The following PPP4R4 variants were observed in gnomAD, a reference collection of about 807,000 sequenced individuals.
PPP4R4 encodes the protein serine/threonine-protein phosphatase 4 regulatory subunit 4.
Under a neutral mutation model 121.8 loss-of-function variants are expected in PPP4R4, and 70 were observed. The observed-to-expected ratio is 0.57, with a 90% CI of 0.47 to 0.70. The LOEUF (loss-of-function observed/expected upper bound fraction) is 0.70. PPP4R4 is among the 30% of genes least tolerant of loss of function. PPP4R4 has a pLI of 0.00. For missense variants in PPP4R4, 875 were observed against 1,033.6 expected, an observed-to-expected ratio of 0.85 and a Z score of 2.10; for synonymous variants, 348 against 355.7, an observed-to-expected ratio of 0.98 and a Z score of 0.24.
At chr14:94,269,577 A>G in intron 23 of PPP4R4, among the ~76,000 whole-genome samples, 1 of 151,622 alleles carries the variant, frequency 6.6e-6, no homozygotes. Context: ...GCTACTCAGG[A>G]GGCTGAGGCA....
Position 94,241,894 on chromosome 14 carries a change from C to T in PPP4R4, c.1083C>T (p.Pro361=). ...ENGHNENQIP[P]QILEQEKKYI... ...GACACAATGAAAACCAGATTCCACC[C>T]CAAATCCTAGAGCAGGAGAAGAAAT... The change falls in exon 10 of 25, where the codon CCC becomes CCT. Residue 361 remains proline, a synonymous_variant. Transcript: ENST00000304338. The T allele has an allele frequency of 6.2e-7, 1 of 1,610,868 alleles. No individual in the cohort carries two copies. The highest frequency in any genetic ancestry group is 8.5e-7 in the Non-Finnish European group (1 of 1,178,438).
chr14:94,180,083 C>T (rs1374195648), intron 2 of PPP4R4, among the ~76,000 whole-genome samples: 4 of 152,170 alleles, frequency 2.6e-5, no homozygotes, highest in Non-Finnish European at 4.4e-5. Flanking sequence ...TAATCATTCC[C>T]TTTTCCCAGT....
intron 2 of PPP4R4, among the ~76,000 whole-genome samples, chr14:94,185,978 A>T (rs1302296433): frequency 2.6e-5 from 4 of 152,116 alleles, no homozygotes; most frequent in Non-Finnish European, 5.9e-5. Context: ...AGCAACCATT[A>T]ATCTGCTTTT....
intron 16 of PPP4R4, among the ~76,000 whole-genome samples, chr14:94,254,341 G>A (rs747007781): frequency 6.6e-6 from 1 of 152,138 alleles, no homozygotes; most frequent in East Asian, 1.9e-4. Context: ...ATGTCAAGCT[G>A]GAAAAAGACT....
At chr14:94,175,156 C>T (rs1595438237) in intron 1 of PPP4R4, among the ~76,000 whole-genome samples, 1 of 149,892 alleles carries the variant, frequency 6.7e-6, no homozygotes, top group Admixed American at 6.6e-5. Flanking sequence ...CGCGTCCCGT[C>T]CCCTCACCCC....
In PPP4R4 at chr14:94,278,733, TTTTAAATTTTGGG is replaced by T; in HGVS notation, c.*94_*106del. 7 of 1,312,650 alleles carry T rather than the reference TTTTAAATTTTGGG, an allele frequency of 5.3e-6. No individual in the cohort carries two copies. The highest frequency in any genetic ancestry group is 7.0e-6 in the Non-Finnish European group (7 of 997,020). The allele number at this position is 1,312,650 out of a possible 1,614,324, so 81.3% of individuals were successfully genotyped here. On this transcript the variant is annotated 3_prime_UTR_variant, in exon 25 of 25. Transcript: ENST00000304338. ...GCTAAAGCAGTGGCTGGGGCTTTGTTTTTAAATTTTGGGTTTTTTTTTTTGTTGTTGTTAATGA... is the reference window on the plus strand; with the variant it reads ...GCTAAAGCAGTGGCTGGGGCTTTGTTTTTTTTTTTTTGTTGTTGTTAATGA...
In PPP4R4 at chr14:94,174,481, C is replaced by CCCG; in HGVS notation, c.24_26dup (p.Ala9dup). 6.2e-7 allele frequency: 1 copy of CCCG among 1,605,342 alleles called. No homozygotes were observed. Among genetic ancestry groups the CCCG allele is most frequent in the East Asian group, 2.3e-5 (1 of 44,264 alleles). ...CCGGCGGTCCATGCATCCGCCGCCG[C>CCCG]CCGCCGCCGCGATGGATTTCAGTCA... is the stretch of plus-strand genomic sequence containing the variant. On this transcript the variant is annotated inframe_insertion, in exon 1 of 25. Transcript: ENST00000304338.
At chr14:94,242,805 C>T (rs1269357466) in intron 11 of PPP4R4, among the ~76,000 whole-genome samples, 1 of 152,130 alleles carries the variant, frequency 6.6e-6, no homozygotes, top group East Asian at 1.9e-4. Context: ...ATTATTTTTA[C>T]TACAAATGGA....
intron 2 of PPP4R4, among the ~76,000 whole-genome samples, chr14:94,203,190 C>A (rs961069216): frequency 2.6e-5 from 4 of 152,084 alleles, no homozygotes; most frequent in African/African-American, 9.7e-5. Flanking sequence ...CACCTATTTC[C>A]CTCCTGCTCC....
At chr14:94,184,680 T>C (rs980674284) in intron 2 of PPP4R4, among the ~76,000 whole-genome samples, 7 of 152,238 alleles carry the variant, frequency 4.6e-5, no homozygotes, top group Admixed American at 3.3e-4. Flanking sequence ...TCATTGACTA[T>C]GTTGGCTATC....
intron 3 of PPP4R4, among the ~76,000 whole-genome samples, chr14:94,214,442 C>A (rs183483012): frequency 2.8e-4 from 42 of 151,200 alleles, no homozygotes; most frequent in African/African-American, 7.0e-4. Flanking sequence ...GAGTTTGAGG[C>A]TGCAGTGAAT....
chr14:94,256,658 T>A, intron 17 of PPP4R4, 54 bp downstream of exon 17: 1 of 1,448,416 alleles, frequency 6.9e-7, no homozygotes, highest in South Asian at 1.3e-5. Context: ...GCAGTAAGAA[T>A]CTTAGCTTCA....
Position 94,275,386 on chromosome 14 carries a change from G to A in PPP4R4, c.2462G>A (p.Arg821Gln), listed in dbSNP as rs200830141. ...SVLSLADDSFRTRNASSVPSS... is the reference protein window; with the variant it reads ...SVLSLADDSFQTRNASSVPSS... ...GTATTGCTTTCAGATGATTCATTCC[G>A]GACTCGTAATGCCAGTAGCGTTCCA... Residue 821 changes from arginine to glutamine, a missense_variant, in exon 24 of 25, where the codon CGG becomes CAG. Coordinates refer to ENST00000304338, the MANE Select transcript of PPP4R4 (RefSeq NM_058237.2). 8 of 1,613,600 alleles carry A rather than the reference G, an allele frequency of 5.0e-6. No homozygotes were observed. Among genetic ancestry groups the A allele is most frequent in the African/African-American group, 4.0e-5 (3 of 74,934 alleles).
chr14:94,273,633 A>G (rs567611223), intron 23 of PPP4R4, among the ~76,000 whole-genome samples: 11 of 152,274 alleles, frequency 7.2e-5, no homozygotes, highest in South Asian at 2.1e-4. Flanking sequence ...TGACATGTCA[A>G]TGTGGGTTCA....
intron 2 of PPP4R4, among the ~76,000 whole-genome samples, chr14:94,201,256 C>A (rs1347591008): frequency 6.6e-6 from 1 of 152,098 alleles, no homozygotes; most frequent in Non-Finnish European, 1.5e-5. Flanking sequence ...TATGGTCTTT[C>A]TTGGAGAATA....
At chr14:94,178,690 A>C (rs943701857) in intron 2 of PPP4R4, among the ~76,000 whole-genome samples, 3 of 152,196 alleles carry the variant, frequency 2.0e-5, no homozygotes, top group Non-Finnish European at 4.4e-5. Flanking sequence ...ACACAGATGA[A>C]TTTGTGGTTT....
chr14:94,265,332 G>C, intron 20 of PPP4R4, 55 bp from the exon 21 acceptor site: 1 of 1,271,286 alleles, frequency 7.9e-7, no homozygotes, highest in Non-Finnish European at 1.1e-6. Context: ...TGTATTTATG[G>C]AGATTAATAA....
intron 16 of PPP4R4, among the ~76,000 whole-genome samples, chr14:94,254,709 C>T (rs748978914): frequency 6.6e-6 from 1 of 152,074 alleles, no homozygotes; most frequent in African/African-American, 2.4e-5. Flanking sequence ...ATGAATATAG[C>T]AGCTATAAAA....
At chr14:94,176,324 A>G (rs1888677705) in intron 2 of PPP4R4, among the ~76,000 whole-genome samples, 197 bp downstream of exon 2, 1 of 152,244 alleles carries the variant, frequency 6.6e-6, no homozygotes, top group Non-Finnish European at 1.5e-5. Flanking sequence ...TTTAAATAAA[A>G]TACCTAATTT....
Sources: allele counts gnomAD v4.1 joint callset (sites outside exome capture counted in the v4.1 genomes callset), GRCh38; gene constraint gnomAD v4.1.1; transcripts MANE v1.5; gene names NCBI Gene and HGNC (gene_info 2026-07-23, HGNC 2026-07-21).